The following PEX14 variants were observed in gnomAD, a reference collection of about 807,000 sequenced individuals.
The protein encoded by PEX14 is peroxisomal membrane protein PEX14.
PEX14 carries 15 observed loss-of-function variants against 49.5 expected under a neutral mutation model. The ratio of observed to expected loss-of-function variants is 0.30; its 90% CI spans 0.20 to 0.47. The LOEUF is 0.47. Among genes scored for constraint, PEX14 ranks in the 20% least tolerant of loss-of-function variants. PEX14 has a pLI of 1.00. For synonymous variants in PEX14, 210 were observed against 212.7 expected, an observed-to-expected ratio of 0.99 and a Z score of 0.11; for missense variants, 398 against 494.8, an observed-to-expected ratio of 0.80 and a Z score of 1.86.
At chr1:10,602,959 C>T (rs1469039047) in intron 4 of PEX14, among the ~76,000 whole-genome samples, 2 of 152,334 alleles carry the variant, frequency 1.3e-5, no homozygotes, top group Non-Finnish European at 2.9e-5. Flanking sequence ...AATGGGATCC[C>T]CTGGGCCTAG....
chr1:10,513,836 G>A (rs187298540), intron 2 of PEX14, among the ~76,000 whole-genome samples: 14 of 152,282 alleles, frequency 9.2e-5, no homozygotes, highest in East Asian at 7.7e-4. Flanking sequence ...CCGTATTGCC[G>A]GGAGCTGTCA....
chr1:10,538,420 C>G (rs1278210896), intron 3 of PEX14, among the ~76,000 whole-genome samples: 1 of 152,186 alleles, frequency 6.6e-6, no homozygotes, highest in African/African-American at 2.4e-5. Context: ...CTAAAGAGAA[C>G]CATGTGAGTT....
chr1:10,593,779 C>T (rs562279723), intron 3 of PEX14, among the ~76,000 whole-genome samples: 5 of 152,098 alleles, frequency 3.3e-5, no homozygotes, highest in Non-Finnish European at 5.9e-5. Flanking sequence ...AAATAAATAC[C>T]GATCAGCTTT....
chr1:10,475,049 G>C, intron 1 of PEX14, 47 bp downstream of exon 1: 1 of 1,568,298 alleles, frequency 6.4e-7, no homozygotes, highest in African/African-American at 1.3e-5. Context: ...ACCCCGGCTG[G>C]AGGGGGCGCT....
intron 3 of PEX14, among the ~76,000 whole-genome samples, chr1:10,542,915 A>G (rs2124494935): frequency 6.6e-6 from 1 of 152,324 alleles, no homozygotes; most frequent in South Asian, 2.1e-4. Flanking sequence ...CTGAAGTCAG[A>G]GCATTTTTGC....
rs544485030 is a variant in PEX14, at chr1:10,485,758, G to GTT, written c.37-9502_37-9501dup. Among the ~76,000 whole-genome samples the GTT allele has an allele frequency of 2.4e-4, 34 of 139,916 alleles. 1 individual carries two copies. The highest frequency in any genetic ancestry group is 5.8e-4 in the Admixed American group (8 of 13,908). The allele number at this position is 139,916 out of a possible 152,430, so 91.8% of individuals were successfully genotyped here. A position where few individuals can be genotyped will look rare whatever the true frequency, so the allele number is the denominator to read the frequency against. ...ACCTTGTTAACTTATAATTCTAGTA[G>GTT]TTTTTTTTTTTTTTTGAGACAGACT... On this transcript the variant is annotated intron_variant, in intron 1 of 8. Transcript: ENST00000356607.
At chr1:10,582,908 A>G (rs1028046211) in intron 3 of PEX14, among the ~76,000 whole-genome samples, 12 of 151,718 alleles carry the variant, frequency 7.9e-5, no homozygotes, top group Non-Finnish European at 1.5e-5. Context: ...TAATTTCTAT[A>G]TTTTTATTAG....
At position 10,571,754 on chromosome 1, in the gene PEX14, A is replaced by T. The variant is rs7524790; in HGVS notation, c.170-27484A>T. On this transcript the variant is annotated intron_variant, in intron 3 of 8. Coordinates refer to ENST00000356607, the MANE Select transcript of PEX14 (RefSeq NM_004565.3). ...AACCTGGGAGGCTGAGGTTGCAGGG[A>T]GCCGTGATTGTGCCACTGCACTCCA... 2.6e-5 allele frequency among the ~76,000 whole-genome samples: 4 copies of T among 151,600 alleles called. No homozygotes were observed. The South Asian group carries it at 6.2e-4, about 24-fold the overall frequency.
At chr1:10,517,865 C>A (rs947807680) in intron 2 of PEX14, among the ~76,000 whole-genome samples, 7 of 152,012 alleles carry the variant, frequency 4.6e-5, no homozygotes, top group African/African-American at 1.5e-4. Context: ...TAATTTCTTT[C>A]TTGAAATGAG....
chr1:10,617,880 G>T lies in PEX14; in HGVS notation c.299-452G>T, dbSNP rs1040126967. On this transcript the variant is annotated intron_variant, in intron 4 of 8. Coordinates refer to ENST00000356607, the MANE Select transcript of PEX14 (RefSeq NM_004565.3). Reference sequence around the variant, plus strand: ...GTACCACGGTCCCCCTCTCCACTTCGCTGAGGCCCCGCTTGGTTCTGCTGT... The same window carrying T: ...GTACCACGGTCCCCCTCTCCACTTCTCTGAGGCCCCGCTTGGTTCTGCTGT... Among the ~76,000 whole-genome samples, 4 of 151,284 alleles carry T rather than the reference G, an allele frequency of 2.6e-5. No homozygotes were observed. The Middle Eastern group carries it at 0.01, about 386-fold the overall frequency.
intron 1 of PEX14, among the ~76,000 whole-genome samples, chr1:10,482,339 G>A (rs1641295144): frequency 6.6e-6 from 1 of 151,322 alleles, no homozygotes; most frequent in African/African-American, 2.4e-5. Context: ...CATGTTGGCC[G>A]GGCTGGTCTC....
At chr1:10,596,608 C>T (rs1640839773) in intron 3 of PEX14, among the ~76,000 whole-genome samples, 1 of 152,078 alleles carries the variant, frequency 6.6e-6, no homozygotes, top group African/African-American at 2.4e-5. Context: ...AGAGGGAGAG[C>T]CTTGAGTGCC....
At chr1:10,607,080 A>G (rs931436595) in intron 4 of PEX14, among the ~76,000 whole-genome samples, 1 of 152,016 alleles carries the variant, frequency 6.6e-6, no homozygotes, top group East Asian at 1.9e-4. Flanking sequence ...ATTACTACCT[A>G]TTAGATTTCT....
chr1:10,536,598 T>A (rs1638812938), intron 3 of PEX14: 6 of 393,952 alleles, frequency 1.5e-5, no homozygotes, highest in South Asian at 9.3e-5. Context: ...GGACTTCTGG[T>A]TTTTGGTCTG....
chr1:10,519,918 A>G (rs1273466080), intron 2 of PEX14, among the ~76,000 whole-genome samples: 1 of 151,962 alleles, frequency 6.6e-6, no homozygotes, highest in African/African-American at 2.4e-5. Flanking sequence ...GGGACCATAG[A>G]TGTGTGCCAC....
chr1:10,513,169 A>C (rs151228811), intron 2 of PEX14, among the ~76,000 whole-genome samples: 13 of 152,328 alleles, frequency 8.5e-5, no homozygotes, highest in Middle Eastern at 3.4e-3. Context: ...AATAGTTAAC[A>C]AATTGATGGC....
At chr1:10,501,466 C>T (rs568663078) in intron 2 of PEX14, among the ~76,000 whole-genome samples, 28 of 152,238 alleles carry the variant, frequency 1.8e-4, no homozygotes, top group African/African-American at 4.6e-4. Context: ...CCACCTCGCC[C>T]GGCTTTTTGT....
intron 1 of PEX14, among the ~76,000 whole-genome samples, chr1:10,489,986 C>T (rs1641442618): frequency 6.6e-6 from 1 of 152,200 alleles, no homozygotes; most frequent in African/African-American, 2.4e-5. Flanking sequence ...TTCCCTATCA[C>T]TCCATCATGA....
At chr1:10,561,261 A>G (rs1237673369) in intron 3 of PEX14, among the ~76,000 whole-genome samples, 1 of 152,190 alleles carries the variant, frequency 6.6e-6, no homozygotes, top group Admixed American at 6.5e-5. Flanking sequence ...ACATTTTCCC[A>G]GTTGCCCCCA....
Sources: allele counts gnomAD v4.1 joint callset (sites outside exome capture counted in the v4.1 genomes callset), GRCh38; gene constraint gnomAD v4.1.1; transcripts MANE v1.5; gene names NCBI Gene and HGNC (gene_info 2026-07-23, HGNC 2026-07-21).